CCNT2: variants seen among roughly 807,000 people sequenced by gnomAD.
CCNT2 encodes cyclin-T2.
A neutral mutation model predicts 70.0 loss-of-function variants in CCNT2; 18 were observed. That is an observed-to-expected ratio of 0.26 (90% CI 0.18 to 0.38). The LOEUF (loss-of-function observed/expected upper bound fraction) is 0.38. Among genes scored for constraint, CCNT2 ranks in the 10% least tolerant of loss-of-function variants. The pLI is 1.00. For synonymous variants in CCNT2, 334 were observed against 313.3 expected (o/e 1.07, Z -0.70); for missense variants, 734 against 890.2 (o/e 0.82, Z 2.23).
intron 3 of CCNT2, among the ~76,000 whole-genome samples, 166 bp downstream of exon 3, chr2:134,937,135 T>C (rs577701107): frequency 4.6e-5 from 7 of 152,358 alleles, no homozygotes; most frequent in Admixed American, 1.3e-4. Context: ...GAAAAACATA[T>C]AATGTATGTT....
chr2:134,946,147 G>A lies in CCNT2; in HGVS notation c.539+1G>A. 1 of 1,612,292 alleles carries A rather than the reference G, an allele frequency of 6.2e-7. No homozygotes were observed. Among genetic ancestry groups the A allele is most frequent in the East Asian group, 2.2e-5 (1 of 44,846 alleles). On this transcript the variant is annotated splice_donor_variant, in intron 6 of 8. Coordinates refer to ENST00000264157, the MANE Select transcript of CCNT2 (RefSeq NM_058241.3). LOFTEE classifies it high-confidence loss of function. Reference sequence around the variant, plus strand: ...CATCCTATTTCATGGCTACCAACAGGTTGTTATCCTGACCCTCTTTGTTGC... The same window carrying A: ...CATCCTATTTCATGGCTACCAACAGATTGTTATCCTGACCCTCTTTGTTGC...
intron 5 of CCNT2, chr2:134,943,882 T>C (rs1681751657): frequency 6.1e-6 from 6 of 976,436 alleles, no homozygotes; most frequent in Admixed American, 6.2e-5. Flanking sequence ...TTTTTAGATT[T>C]ATCCTAAACA....
chr2:134,949,135 C>G (rs1176376158), intron 7 of CCNT2, among the ~76,000 whole-genome samples: 2 of 152,210 alleles, frequency 1.3e-5, no homozygotes, highest in Non-Finnish European at 2.9e-5. Flanking sequence ...ATTCTCCTGC[C>G]TCAGCCTCCT....
chr2:134,936,770 A>C, intron 2 of CCNT2, 71 bp from the exon 3 acceptor site: 2 of 1,436,646 alleles, frequency 1.4e-6, no homozygotes, highest in Non-Finnish European at 1.9e-6. Flanking sequence ...AAAAACAGAA[A>C]AGAAAAGAAA....
chr2:134,930,316 C>A (rs934370722), intron 2 of CCNT2, among the ~76,000 whole-genome samples: 12 of 152,082 alleles, frequency 7.9e-5, no homozygotes, highest in African/African-American at 2.4e-4. Flanking sequence ...TACTTCATTC[C>A]TTTTTACTGC....
At chr2:134,943,552 T>C in intron 5 of CCNT2, 1 of 985,050 alleles carries the variant, frequency 1.0e-6, no homozygotes, top group Non-Finnish European at 1.2e-6. Flanking sequence ...GCATAATACA[T>C]TTAGTTTGTG....
In CCNT2 at chr2:134,953,970, G is replaced by A. The variant is rs763037221; in HGVS notation, c.1515G>A (p.Leu505=). The change falls in exon 9 of 9, where the codon CTG becomes CTA. Residue 505 remains leucine, a synonymous_variant. Coordinates refer to ENST00000264157, the MANE Select transcript of CCNT2 (RefSeq NM_058241.3). Reference sequence around the variant, plus strand: ...ACAAAAAGGAAAAGAGTGGGTCACTGAAATTACGGATTCCAATACCACCCA... The same window carrying A: ...ACAAAAAGGAAAAGAGTGGGTCACTAAAATTACGGATTCCAATACCACCCA... The part of the protein sequence containing the change: ...MADKKEKSGS[L]KLRIPIPPTD... The A allele has an allele frequency of 1.9e-6, 3 of 1,614,090 alleles. No individual in the cohort carries two copies. Among genetic ancestry groups the A allele is most frequent in the Non-Finnish European group, 2.5e-6 (3 of 1,179,986 alleles).
chr2:134,929,746 T>C (rs1680598638), intron 2 of CCNT2, among the ~76,000 whole-genome samples: 1 of 149,704 alleles, frequency 6.7e-6, no homozygotes, highest in Admixed American at 6.7e-5. Flanking sequence ...ACCTCCTGGG[T>C]TCAAGTGATT....
Position 134,954,433 on chromosome 2 carries a change from T to A in CCNT2, c.1978T>A (p.Ser660Thr), listed in dbSNP as rs150971792. Residue 660 changes from serine (S) to threonine (T), a missense_variant, in exon 9 of 9, where the codon TCT becomes ACT. By Grantham distance (58) the Ser-to-Thr change is moderately conservative. Coordinates refer to ENST00000264157, the MANE Select transcript of CCNT2 (RefSeq NM_058241.3). ...SVKQYISSHN[S>T]VFNHPLPPPP... ...TAAGCAGTATATATCCTCTCACAAC[T>A]CTGTTTTTAACCATCCCTTACCCCC... is the stretch of plus-strand genomic sequence containing the variant. 2.5e-6 allele frequency: 4 copies of A among 1,614,064 alleles called. No individual in the cohort carries two copies. Among genetic ancestry groups the A allele is most frequent in the Non-Finnish European group, 3.4e-6 (4 of 1,179,954 alleles).
At chr2:134,932,159 G>A (rs1407595013) in intron 2 of CCNT2, among the ~76,000 whole-genome samples, 1 of 143,478 alleles carries the variant, frequency 7.0e-6, no homozygotes, top group Non-Finnish European at 1.5e-5. Context: ...TAATTTTTTT[G>A]TATTTTAGTA....
At chr2:134,939,253 T>A (rs1270270017) in intron 4 of CCNT2, among the ~76,000 whole-genome samples, 191 bp downstream of exon 4, 1 of 152,218 alleles carries the variant, frequency 6.6e-6, no homozygotes, top group African/African-American at 2.4e-5. Context: ...ATAATTAAAT[T>A]GAATGGTAAA....
chr2:134,950,605 C>G (rs1010841627), intron 7 of CCNT2, among the ~76,000 whole-genome samples: 1 of 152,020 alleles, frequency 6.6e-6, no homozygotes, highest in Non-Finnish European at 1.5e-5. Flanking sequence ...CTACTGCTCT[C>G]CAGCCTGGGC....
chr2:134,943,621 C>T (rs1167232248), intron 5 of CCNT2: 2 of 984,578 alleles, frequency 2.0e-6, no homozygotes, highest in East Asian at 2.3e-4. Flanking sequence ...TATTGCTTTA[C>T]TGCTTGTAAA....
At chr2:134,931,655 A>G (rs1282286239) in intron 2 of CCNT2, among the ~76,000 whole-genome samples, 1 of 152,210 alleles carries the variant, frequency 6.6e-6, no homozygotes, top group Non-Finnish European at 1.5e-5. Flanking sequence ...GAGTACTGCC[A>G]TCTTCGTGAT....
intron 4 of CCNT2, 61 bp downstream of exon 4, chr2:134,939,123 G>T (rs1681375490): frequency 9.1e-7 from 1 of 1,102,084 alleles, no homozygotes; most frequent in Admixed American, 1.9e-5. Context: ...TTCTAAATAA[G>T]TGAAAAGATT....
Position 134,932,504 on chromosome 2 carries a change from GCTTT to G in CCNT2, c.241-4332_241-4329del, listed in dbSNP as rs777439205. Among the ~76,000 whole-genome samples, 296 of 152,162 alleles carry G rather than the reference GCTTT, an allele frequency of 1.9e-3. 3 individuals carry two copies. The highest frequency in any genetic ancestry group is 7.0e-3 in the African/African-American group (289 of 41,498). ...ATATTTTGGGGCCGTTATTAACCCAGCTTTCTTTTAAATGTAATTAGGTATCTTA... is the reference window on the plus strand; with the variant it reads ...ATATTTTGGGGCCGTTATTAACCCAGCTTTTAAATGTAATTAGGTATCTTA... On this transcript the variant is annotated intron_variant, in intron 2 of 8. Coordinates refer to ENST00000264157, the MANE Select transcript of CCNT2 (RefSeq NM_058241.3).
intron 6 of CCNT2, among the ~76,000 whole-genome samples, chr2:134,946,860 CTTT>C (rs1682014414): frequency 6.6e-6 from 1 of 151,958 alleles, no homozygotes; most frequent in South Asian, 2.1e-4. Flanking sequence ...TTAAATTTGT[CTTT>C]TTGAGTGGAT....
chr2:134,953,318 T>C lies in CCNT2; in HGVS notation c.863T>C (p.Leu288Ser), dbSNP rs1239612127. Reference protein sequence around the residue: ...LGSSLVQNSILVDSVTGVPTN... With the variant: ...LGSSLVQNSISVDSVTGVPTN... Reference sequence around the variant, plus strand: ...TCATCTTTGGTCCAGAATTCCATTTTAGTAGATAGTGTCACTGGTGTGCCT... The same window carrying C: ...TCATCTTTGGTCCAGAATTCCATTTCAGTAGATAGTGTCACTGGTGTGCCT... The change falls in exon 9 of 9, where the codon TTA (leucine) becomes TCA (serine). Residue 288 changes from leucine to serine, a missense_variant. Leu to Ser is a moderately radical substitution (Grantham distance 145). Coordinates refer to ENST00000264157, the MANE Select transcript of CCNT2 (RefSeq NM_058241.3). 2 of 1,612,490 alleles carry C rather than the reference T, an allele frequency of 1.2e-6. No homozygotes were observed. The highest frequency in any genetic ancestry group is 1.7e-5 in the Admixed American group (1 of 59,890).
intron 2 of CCNT2, among the ~76,000 whole-genome samples, chr2:134,936,127 GGGTA>G (rs1681130199): frequency 1.3e-5 from 2 of 149,654 alleles, no homozygotes; most frequent in African/African-American, 4.9e-5. Context: ...GGAGTATAGT[GGGTA>G]TACTTGATCC....
Sources: gnomAD v4.1 joint callset for allele counts (sites outside exome capture counted in the v4.1 genomes callset) on GRCh38, gnomAD v4.1.1 for gene constraint, MANE v1.5 for transcripts, NCBI Gene and HGNC (gene_info 2026-07-23, HGNC 2026-07-21) for gene names.